The following ZNF512 variants were observed in gnomAD, a reference collection of about 807,000 sequenced individuals.
ZNF512 encodes zinc finger protein 512.
ZNF512 carries 25 observed loss-of-function variants against 77.5 expected under a neutral mutation model. The ratio of observed to expected loss-of-function variants is 0.32; its 90% CI spans 0.23 to 0.45. ZNF512 has a LOEUF of 0.45. ZNF512 is among the 20% of genes least tolerant of loss of function. ZNF512 has a pLI of 1.00. For missense variants in ZNF512, 483 were observed against 692.6 expected, an observed-to-expected ratio of 0.70 and a Z score of 3.40; for synonymous variants, 246 against 239.9, an observed-to-expected ratio of 1.03 and a Z score of -0.24.
chr2:27,599,840 A>G (rs1672037164), intron 4 of ZNF512, 130 bp from the exon 5 acceptor site: 2 of 1,223,534 alleles, frequency 1.6e-6, no homozygotes, highest in Admixed American at 2.0e-5. Context: ...ATACCCTTTC[A>G]TTCTGTCCTG....
At chr2:27,619,334 C>T (rs999299086) in intron 13 of ZNF512, among the ~76,000 whole-genome samples, 7 of 151,896 alleles carry the variant, frequency 4.6e-5, no homozygotes, top group African/African-American at 7.2e-5. Flanking sequence ...ACCCAGGAGA[C>T]GGAGGTTGCA....
intron 3 of ZNF512, among the ~76,000 whole-genome samples, 191 bp downstream of exon 3, chr2:27,598,445 T>C (rs1045254083): frequency 3.3e-5 from 5 of 152,002 alleles, no homozygotes; most frequent in African/African-American, 7.3e-5. Flanking sequence ...CTGGCTAACA[T>C]GGTGAAACCC....
intron 11 of ZNF512, among the ~76,000 whole-genome samples, 195 bp downstream of exon 11, chr2:27,615,464 T>G (rs1672847115): frequency 6.6e-6 from 1 of 152,244 alleles, no homozygotes; most frequent in Non-Finnish European, 1.5e-5. Context: ...TAGCATCAGC[T>G]GGAATCGCTC....
intron 2 of ZNF512, among the ~76,000 whole-genome samples, chr2:27,586,336 TCTC>T (rs1313627732): frequency 1.3e-5 from 2 of 152,022 alleles, no homozygotes; most frequent in East Asian, 3.9e-4. Flanking sequence ...TTCAAGCAAT[TCTC>T]CTGCCTCAGC....
intron 9 of ZNF512, among the ~76,000 whole-genome samples, chr2:27,603,590 A>ATATATT (rs1553352045): frequency 0.017 from 1,422 of 85,578 alleles, 47 homozygotes; most frequent in African/African-American, 0.064. Context: ...GTGTGTGTAT[A>ATATATT]TTTTTTTTTT....
rs575301985 is a variant in ZNF512, at chr2:27,599,148, G to T, written c.278-435G>T. Among the ~76,000 whole-genome samples the T allele has an allele frequency of 1.6e-4, 25 of 152,238 alleles. No individual in the cohort carries two copies. In the South Asian group the frequency reaches 5.0e-3, roughly 30 times the overall value. On this transcript the variant is annotated intron_variant, in intron 3 of 13. Transcript: ENST00000355467. ...ATTACAGATGTGAGTCACCATGGCTGGCCCCCCTTTTCTTCTAGTGTGATC... is the reference window on the plus strand; with the variant it reads ...ATTACAGATGTGAGTCACCATGGCTTGCCCCCCTTTTCTTCTAGTGTGATC...
At chr2:27,609,554 C>A (rs1454898337) in intron 10 of ZNF512, among the ~76,000 whole-genome samples, 5 of 151,932 alleles carry the variant, frequency 3.3e-5, no homozygotes, top group Admixed American at 2.0e-4. Flanking sequence ...ATGATGAAAC[C>A]CCGTCTCTAC....
intron 10 of ZNF512, among the ~76,000 whole-genome samples, chr2:27,611,495 T>A (rs1454759389): frequency 6.6e-6 from 1 of 152,182 alleles, no homozygotes; most frequent in Non-Finnish European, 1.5e-5. Flanking sequence ...AGGTATATGA[T>A]GTTGATATGT....
At chr2:27,594,590 G>A (rs1284161682) in intron 2 of ZNF512, among the ~76,000 whole-genome samples, 4 of 148,736 alleles carry the variant, frequency 2.7e-5, no homozygotes, top group Non-Finnish European at 4.5e-5. Flanking sequence ...AGGCAGAGAC[G>A]CTCCTCACTT....
chr2:27,619,021 C>CA (rs1439584116), intron 13 of ZNF512, among the ~76,000 whole-genome samples: 1 of 152,240 alleles, frequency 6.6e-6, no homozygotes, highest in Non-Finnish European at 1.5e-5. Context: ...CATAAGCTTT[C>CA]AGAATCCCTA....
chr2:27,599,684 G>GCAGT lies in ZNF512; in HGVS notation c.373+7_373+10dup. The GCAGT allele has an allele frequency of 6.2e-7, 1 of 1,610,976 alleles. No individual in the cohort carries two copies. Among genetic ancestry groups the GCAGT allele is most frequent in the African/African-American group, 1.3e-5 (1 of 74,922 alleles). On this transcript the variant is annotated splice_region_variant and intron_variant, in intron 4 of 13. Transcript: ENST00000355467. ...GAAGAAGCATAAGCTTTATGGTAAG[G>GCAGT]CAGTAACTTTGCTACTTCTTTTTCC... is the stretch of plus-strand genomic sequence containing the variant.
At position 27,616,266 on chromosome 2, in the gene ZNF512, G is replaced by C. The variant is rs1374260369; in HGVS notation, c.1238G>C (p.Cys413Ser). The C allele has an allele frequency of 6.2e-7, 1 of 1,613,640 alleles. No homozygotes were observed. The highest frequency in any genetic ancestry group is 1.1e-5 in the South Asian group (1 of 91,046). ...YHRIQCPNQG[C>S]EAVYSSVSGL... Reference sequence around the variant, plus strand: ...ACTATTTCTTCTCTTTTGCAGGGCTGTGAGGCTGTCTACAGCAGTGTATCT... The same window carrying C: ...ACTATTTCTTCTCTTTTGCAGGGCTCTGAGGCTGTCTACAGCAGTGTATCT... The change falls in exon 12 of 14, where the codon TGT becomes TCT. Residue 413 changes from cysteine (C) to serine (S), a missense_variant. Around this residue, in one of 2 missense-constraint regions of ZNF512, gnomAD observed 324 missense variants for 525.0 expected, o/e 0.62. Transcript: ENST00000355467.
Position 27,617,560 on chromosome 2 carries a change from G to A in ZNF512, c.1384G>A (p.Val462Ile), listed in dbSNP as rs756192553. ...ESGVKYHINS[V>I]HAEDWFVVNP... ...TGGTGTCAAGTATCACATCAACTCC[G>A]TCCATGCTGAGGTGAGGTTTTTGTA... Residue 462 changes from valine (V) to isoleucine (I), a missense_variant, in exon 13 of 14, where the codon GTC (valine) becomes ATC (isoleucine). Val to Ile is a conservative substitution (Grantham distance 29, BLOSUM62 3). Around this residue, in one of 2 missense-constraint regions of ZNF512, gnomAD observed 324 missense variants for 525.0 expected, o/e 0.62. Coordinates refer to ENST00000355467, the MANE Select transcript of ZNF512 (RefSeq NM_032434.4). The A allele has an allele frequency of 2.6e-5, 33 of 1,258,514 alleles. No individual in the cohort carries two copies. The highest frequency in any genetic ancestry group is 5.9e-5 in the South Asian group (5 of 84,090). The allele number at this position is 1,258,514 out of a possible 1,614,324, so 78.0% of individuals were successfully genotyped here.
intron 2 of ZNF512, 121 bp downstream of exon 2, chr2:27,583,837 T>G: frequency 9.2e-7 from 1 of 1,090,678 alleles, no homozygotes; most frequent in Non-Finnish European, 1.3e-6. Flanking sequence ...ACTAACCCGG[T>G]GTGGATTTTG....
In ZNF512 at chr2:27,610,544, G is replaced by A. The variant is rs867530686; in HGVS notation, c.1131+2505G>A. Among the ~76,000 whole-genome samples the A allele has an allele frequency of 4.4e-3, 143 of 32,636 alleles. 1 individual carries two copies. The highest frequency in any genetic ancestry group is 0.021 in the African/African-American group (140 of 6,822). 21.4% of individuals were successfully genotyped at this position (32,636 alleles called of 152,430 possible). A position where few individuals can be genotyped will look rare whatever the true frequency, so the allele number is the denominator to read the frequency against. On this transcript the variant is annotated intron_variant, in intron 10 of 13. Coordinates refer to ENST00000355467, the MANE Select transcript of ZNF512 (RefSeq NM_032434.4). Reference sequence around the variant, plus strand: ...TATGTGTGTGTATATATATGTGTGTGTATATATATATATATATATATATAT... The same window carrying A: ...TATGTGTGTGTATATATATGTGTGTATATATATATATATATATATATATAT...
intron 10 of ZNF512, among the ~76,000 whole-genome samples, chr2:27,614,433 C>T (rs1672794673): frequency 1.3e-5 from 2 of 152,228 alleles, no homozygotes; most frequent in East Asian, 1.9e-4. Context: ...TTATGTTGAA[C>T]CTTAATTTTT....
chr2:27,604,531 A>C (rs1290876939), intron 9 of ZNF512, among the ~76,000 whole-genome samples: 2 of 152,194 alleles, frequency 1.3e-5, no homozygotes, highest in South Asian at 4.1e-4. Flanking sequence ...CTGTAATCCC[A>C]GCACTTTGGG....
At chr2:27,606,627 C>G (rs1189145799) in intron 9 of ZNF512, among the ~76,000 whole-genome samples, 1 of 152,194 alleles carries the variant, frequency 6.6e-6, no homozygotes, top group Non-Finnish European at 1.5e-5. Context: ...TCCCAAAGTT[C>G]TGGGATTACA....
Position 27,618,295 on chromosome 2 carries a change from C to G in ZNF512, c.1395+724C>G, listed in dbSNP as rs144931814. ...AGATTGAGTTTACATGTTTGAAATTCTTATTTCACAGTGATCTCTATACAT... is the reference window on the plus strand; with the variant it reads ...AGATTGAGTTTACATGTTTGAAATTGTTATTTCACAGTGATCTCTATACAT... On this transcript the variant is annotated intron_variant, in intron 13 of 13. Transcript: ENST00000355467. Among the ~76,000 whole-genome samples, 1,212 of 152,268 alleles carry G rather than the reference C, an allele frequency of 8.0e-3. 13 individuals carry two copies. Among genetic ancestry groups the G allele is most frequent in the Middle Eastern group, 0.034 (10 of 294 alleles).
Sources: allele counts gnomAD v4.1 joint callset (sites outside exome capture counted in the v4.1 genomes callset), GRCh38; gene constraint gnomAD v4.1.1; regional missense constraint gnomAD v4.1.1; transcripts MANE v1.5; gene names NCBI Gene and HGNC (gene_info 2026-07-23, HGNC 2026-07-21).